The following DYRK1A variants were observed in gnomAD, a reference collection of about 807,000 sequenced individuals.
DYRK1A encodes the protein dual specificity tyrosine-phosphorylation-regulated kinase 1A.
Under a neutral mutation model 79.7 loss-of-function variants are expected in DYRK1A, and 9 were observed. That is an observed-to-expected ratio of 0.11 (90% CI 0.07 to 0.20). The LOEUF is 0.20. Among genes scored for constraint, DYRK1A ranks in the 10% least tolerant of loss-of-function variants. DYRK1A has a pLI of 1.00. For missense variants in DYRK1A, 622 were observed against 956.0 expected (o/e 0.65, Z 4.61); for synonymous variants, 349 against 329.7 (o/e 1.06, Z -0.63).
At chr21:37,391,359 C>T (rs1051469007) in intron 1 of DYRK1A, among the ~76,000 whole-genome samples, 1 of 152,206 alleles carries the variant, frequency 6.6e-6, no homozygotes, top group African/African-American at 2.4e-5. Flanking sequence ...CTTTAGTCTC[C>T]TAAGCCTGCC....
chr21:37,446,221 C>T (rs1271666560), intron 2 of DYRK1A, among the ~76,000 whole-genome samples: 2 of 152,156 alleles, frequency 1.3e-5, no homozygotes, highest in Non-Finnish European at 2.9e-5. Context: ...GGCCTCTCAA[C>T]GCTCTCATTT....
rs1021066615 is a variant in DYRK1A, at chr21:37,452,230, T to TA, written c.11-20453dup. On this transcript the variant is annotated intron_variant, in intron 2 of 11. Transcript: ENST00000647188. ...GCATGGAGCCTGGATAAGGAGCAGT[T>TA]ATTGTAGGGGATTCCCCTGGCCCCT... 4.2e-4 allele frequency among the ~76,000 whole-genome samples: 64 copies of TA among 151,772 alleles called. 1 individual carries two copies. Among genetic ancestry groups the TA allele is most frequent in the African/African-American group, 1.4e-3 (59 of 41,336 alleles).
intron 2 of DYRK1A, among the ~76,000 whole-genome samples, chr21:37,457,028 AC>A (rs879512794): frequency 0.023 from 1,747 of 77,574 alleles, 20 homozygotes; most frequent in East Asian, 0.066. Flanking sequence ...TTACTTACTT[AC>A]TTACTTACTT....
intron 2 of DYRK1A, among the ~76,000 whole-genome samples, chr21:37,471,526 A>G (rs2835759): frequency 0.072 from 11,006 of 152,256 alleles, 1,327 homozygotes; most frequent in African/African-American, 0.25. Flanking sequence ...TGGGCCATTT[A>G]TTAATTGCCA....
chr21:37,430,668 C>G (rs1047520758), intron 2 of DYRK1A, among the ~76,000 whole-genome samples: 7 of 152,154 alleles, frequency 4.6e-5, no homozygotes, highest in Admixed American at 1.3e-4. Context: ...CAGGAAGATT[C>G]TCTTTCTCTG....
chr21:37,495,304 G>A (rs1051597526), intron 8 of DYRK1A, among the ~76,000 whole-genome samples: 2 of 151,904 alleles, frequency 1.3e-5, no homozygotes, highest in African/African-American at 4.8e-5. Flanking sequence ...TATCCCAGGA[G>A]TTTGAGACTA....
intron 1 of DYRK1A, among the ~76,000 whole-genome samples, chr21:37,379,852 CTATT>C (rs1213110174): frequency 6.6e-6 from 1 of 152,124 alleles, no homozygotes; most frequent in Non-Finnish European, 1.5e-5. Flanking sequence ...AGTGATAGAA[CTATT>C]TATTGAGCAC....
chr21:37,506,106 A>G lies in DYRK1A; in HGVS notation c.1527A>G (p.Ser509=), dbSNP rs1569398234. The change falls in exon 11 of 12, where the codon TCA becomes TCG. Residue 509 remains serine, a synonymous_variant. Coordinates refer to ENST00000647188, the MANE Select transcript of DYRK1A (RefSeq NM_001347721.2). ...TSSTSSSSGG[S]SGTSNSGRAR... is the part of the protein sequence containing the mutation. ...TGTGTTGTGATATTTCAGGTGGCTC[A>G]TCGGGGACAAGCAACAGTGGGAGAG... 4 of 1,611,062 alleles carry G rather than the reference A, an allele frequency of 2.5e-6. 1 individual carries two copies. The South Asian group carries it at 4.4e-5, about 18-fold the overall frequency.
At chr21:37,412,760 A>G (rs2050267378) in intron 1 of DYRK1A, among the ~76,000 whole-genome samples, 1 of 152,040 alleles carries the variant, frequency 6.6e-6, no homozygotes, top group Non-Finnish European at 1.5e-5. Context: ...GGGAATAGAG[A>G]TGGGAAGTTC....
chr21:37,417,536 T>C (rs79102778), intron 1 of DYRK1A, among the ~76,000 whole-genome samples: 2,833 of 104,678 alleles, frequency 0.027, 41 homozygotes, highest in Middle Eastern at 0.048. Flanking sequence ...TTTCTTTTTT[T>C]TTTTTTTTTT....
At chr21:37,375,189 T>C (rs1199417721) in intron 1 of DYRK1A, 1 of 151,396 alleles carries the variant, frequency 6.6e-6, no homozygotes, top group African/African-American at 2.4e-5. Flanking sequence ...TTTTGCCCTA[T>C]AGAAAAATAA....
At position 37,395,203 on chromosome 21, in the gene DYRK1A, G is replaced by A. The variant is rs1211764288; in HGVS notation, c.-76-25096G>A. ...GGGCCAGATACATTGGAGTCCGTCCGAAAGCTCACTAGGAAATGTAGATTC... is the reference window on the plus strand; with the variant it reads ...GGGCCAGATACATTGGAGTCCGTCCAAAAGCTCACTAGGAAATGTAGATTC... On this transcript the variant is annotated intron_variant, in intron 1 of 11. Coordinates refer to ENST00000647188, the MANE Select transcript of DYRK1A (RefSeq NM_001347721.2). Among the ~76,000 whole-genome samples the A allele has an allele frequency of 2.6e-5, 4 of 152,192 alleles. 1 individual carries two copies. Among genetic ancestry groups the A allele is most frequent in the African/African-American group, 4.8e-5 (2 of 41,454 alleles).
chr21:37,411,020 G>C (rs2050231938), intron 1 of DYRK1A, among the ~76,000 whole-genome samples: 1 of 136,378 alleles, frequency 7.3e-6, no homozygotes, highest in Admixed American at 8.1e-5. Context: ...CTGCACTCCA[G>C]CCTGGGCGAC....
In DYRK1A at chr21:37,512,590, C is replaced by T. The variant is rs778292553; in HGVS notation, c.*59C>T. 2.6e-5 allele frequency: 41 copies of T among 1,568,228 alleles called. No individual in the cohort carries two copies. The highest frequency in any genetic ancestry group is 3.2e-5 in the Non-Finnish European group (37 of 1,155,210). ...TTTTATAGAAGTGGTGTTTTTTTTC[C>T]AAAAACAAAGTGCAAAGCTGCTTGA... On this transcript the variant is annotated 3_prime_UTR_variant, in exon 12 of 12. Coordinates refer to ENST00000647188, the MANE Select transcript of DYRK1A (RefSeq NM_001347721.2).
At chr21:37,422,490 G>GT (rs1476361593) in intron 2 of DYRK1A, among the ~76,000 whole-genome samples, 6 of 152,220 alleles carry the variant, frequency 3.9e-5, no homozygotes. Context: ...TCTGGGCCTT[G>GT]TTTTTACCCT....
At chr21:37,387,273 C>T (rs779888951) in intron 1 of DYRK1A, among the ~76,000 whole-genome samples, 1 of 152,148 alleles carries the variant, frequency 6.6e-6, no homozygotes, top group African/African-American at 2.4e-5. Flanking sequence ...CTTTTTTCTT[C>T]CAGCTCCTGA....
chr21:37,384,101 C>T (rs1179317208), intron 1 of DYRK1A, among the ~76,000 whole-genome samples: 1 of 152,118 alleles, frequency 6.6e-6, no homozygotes, highest in East Asian at 1.9e-4. Context: ...TTTCACACCT[C>T]AGTGCAGGAA....
At chr21:37,461,955 G>C (rs1380962849) in intron 2 of DYRK1A, among the ~76,000 whole-genome samples, 2 of 150,866 alleles carry the variant, frequency 1.3e-5, no homozygotes, top group East Asian at 3.9e-4. Context: ...TGTCTGAACT[G>C]CTATTAGGTC....
chr21:37,494,700 CACTTTGGGAGGCTGAA>C (rs1383705936), intron 8 of DYRK1A, among the ~76,000 whole-genome samples: 1 of 152,042 alleles, frequency 6.6e-6, no homozygotes, highest in African/African-American at 2.4e-5. Context: ...GTAGTCGCAG[CACTTTGGGAGGCTGAA>C]GCAGGCAGAT....
Sources: gnomAD v4.1 joint callset for allele counts (sites outside exome capture counted in the v4.1 genomes callset) on GRCh38, gnomAD v4.1.1 for gene constraint, MANE v1.5 for transcripts, NCBI Gene and HGNC (gene_info 2026-07-23, HGNC 2026-07-21) for gene names.